Variants in PPP2CB observed in about 807,000 individuals in gnomAD.
PPP2CB encodes the protein protein phosphatase 2 catalytic subunit beta.
A neutral mutation model predicts 39.1 loss-of-function variants in PPP2CB; 18 were observed. The ratio of observed to expected loss-of-function variants is 0.46; its 90% CI spans 0.32 to 0.68. The LOEUF (loss-of-function observed/expected upper bound fraction) is 0.68, where lower values mean the gene tolerates loss of function less well. Ranked by LOEUF, PPP2CB falls within the 30% of genes least tolerant of loss-of-function variation. The pLI is 0.04. For missense variants in PPP2CB, 226 were observed against 396.9 expected (o/e 0.57, Z 3.66); for synonymous variants, 129 against 133.8 (o/e 0.96, Z 0.25).
rs1806848135 is a variant in PPP2CB at position 30,812,252 on chromosome 8, G to C, written c.102+68C>G. The C allele has an allele frequency of 3.2e-6, 4 of 1,250,846 alleles. No individual in the cohort carries two copies. The East Asian group carries it at 1.1e-4, about 33-fold the overall frequency. 77.5% of individuals were successfully genotyped at this position (1,250,846 alleles called of 1,614,324 possible). A position where few individuals can be genotyped will look rare whatever the true frequency, so the allele number is the denominator to read the frequency against. On this transcript the variant is annotated intron_variant, in intron 1 of 6. Transcript: ENST00000221138. The stretch of plus-strand genomic sequence containing the variant: ...GCCGGGCCAGGGGCGGACGGGACCG[G>C]GGCGGGCAGGAAAGCGGCGGCCCGT...
chr8:30,794,061 C>A lies in PPP2CB; in HGVS notation c.594G>T (p.Leu198=), dbSNP rs149865152. 1 of 1,609,448 alleles carries A rather than the reference C, an allele frequency of 6.2e-7. No homozygotes were observed. Among genetic ancestry groups the A allele is most frequent in the Non-Finnish European group, 8.5e-7 (1 of 1,177,520 alleles). ...CACGATCATCTGGATCTGACCATAA[C>A]AGATCACACATTGGGCCCTGGCCAA... ...EVPHEGPMCD[L]LWSDPDDRGG... is the part of the protein sequence containing the mutation. Residue 198 remains leucine, a synonymous_variant, in exon 5 of 7, where the codon CTG becomes CTT. Coordinates refer to ENST00000221138, the MANE Select transcript of PPP2CB (RefSeq NM_001009552.2).
Position 30,799,465 on chromosome 8 carries a change from A to G in PPP2CB, c.312+81T>C, listed in dbSNP as rs567371541. 2.4e-3 allele frequency: 2,819 copies of G among 1,168,854 alleles called. 84 individuals are homozygous for G. In the South Asian group the frequency reaches 0.037, roughly 16 times the overall value. 72.4% of individuals were successfully genotyped at this position (1,168,854 alleles called of 1,614,324 possible). ...GGCTATAAACTGAACAGACCATAAAACAGATGATATGCAATACTGTCATTC... is the reference window on the plus strand; with the variant it reads ...GGCTATAAACTGAACAGACCATAAAGCAGATGATATGCAATACTGTCATTC... On this transcript the variant is annotated intron_variant, in intron 2 of 6. Transcript: ENST00000221138.
In PPP2CB at chr8:30,786,269, T is replaced by C. The variant is rs1400493319; in HGVS notation, c.896A>G (p.His299Arg). 1.3e-6 allele frequency: 2 copies of C among 1,580,438 alleles called. No homozygotes were observed. Among genetic ancestry groups the C allele is most frequent in the Admixed American group, 1.8e-5 (1 of 54,232 alleles). ...FDPAPRRGEP[H>R]VTRRTPDYFL is the part of the protein sequence containing the mutation. ...GTAGTCTGGGGTGCGCCGTGTAACA[T>C]GAGGCTCACCACGACGAGGCGCTGG... Residue 299 changes from histidine (H) to arginine (R), a missense_variant, in exon 7 of 7, where the codon CAT becomes CGT. Physicochemically the swap from His to Arg is conservative, Grantham distance 29 (BLOSUM62 0). Around this residue, in one of 4 missense-constraint regions of PPP2CB, gnomAD observed 56 missense variants for 92.0 expected, o/e 0.61. Transcript: ENST00000221138.
chr8:30,802,852 C>G (rs1460110391), intron 1 of PPP2CB, among the ~76,000 whole-genome samples: 1 of 152,062 alleles, frequency 6.6e-6, no homozygotes. Flanking sequence ...AGAGAGAAGC[C>G]AAACACACAA....
chr8:30,802,118 G>A (rs1740433548), intron 1 of PPP2CB, among the ~76,000 whole-genome samples: 1 of 152,142 alleles, frequency 6.6e-6, no homozygotes, highest in African/African-American at 2.4e-5. Context: ...GGACAATGTA[G>A]CCCATACTTT....
intron 5 of PPP2CB, among the ~76,000 whole-genome samples, chr8:30,792,436 GTCTTTT>G (rs1563214512): frequency 6.6e-6 from 1 of 150,602 alleles, no homozygotes; most frequent in African/African-American, 2.4e-5. Flanking sequence ...AGTTTGTGGT[GTCTTTT>G]TCTTTTTCCT....
chr8:30,796,699 A>G (rs1806532366), intron 3 of PPP2CB, among the ~76,000 whole-genome samples: 4 of 152,124 alleles, frequency 2.6e-5, no homozygotes, highest in African/African-American at 7.2e-5. Context: ...TTTGTTTTAT[A>G]TTTAAATTTA....
chr8:30,791,408 A>C, intron 5 of PPP2CB, 93 bp from the exon 6 acceptor site: 1 of 872,346 alleles, frequency 1.1e-6, no homozygotes. Context: ...AACTACAGGT[A>C]CTCTCTGTGG....
At chr8:30,800,037 C>T (rs1806593943) in intron 1 of PPP2CB, among the ~76,000 whole-genome samples, 1 of 152,178 alleles carries the variant, frequency 6.6e-6, no homozygotes, top group South Asian at 2.1e-4. Flanking sequence ...AAAGTTAAAC[C>T]TAAAATTACC....
chr8:30,809,318 G>A (rs1806784105), intron 1 of PPP2CB, among the ~76,000 whole-genome samples: 1 of 152,276 alleles, frequency 6.6e-6, no homozygotes, highest in South Asian at 2.1e-4. Context: ...CTAGCAAGCT[G>A]TGAAGCAGGA....
intron 1 of PPP2CB, among the ~76,000 whole-genome samples, chr8:30,807,378 T>G (rs1372141889): frequency 1.3e-5 from 2 of 152,232 alleles, no homozygotes; most frequent in East Asian, 3.8e-4. Flanking sequence ...TTAAGATGGT[T>G]TTGGGTATTC....
intron 5 of PPP2CB, among the ~76,000 whole-genome samples, chr8:30,792,801 ATTAT>A (rs1330954764): frequency 1.3e-5 from 2 of 152,078 alleles, no homozygotes; most frequent in Non-Finnish European, 2.9e-5. Context: ...CTAAATTTTG[ATTAT>A]TTATCCAATC....
chr8:30,806,034 A>G (rs1247239598), intron 1 of PPP2CB, among the ~76,000 whole-genome samples: 2 of 151,486 alleles, frequency 1.3e-5, no homozygotes, highest in East Asian at 3.9e-4. Flanking sequence ...ACTCCTTCCC[A>G]GGGTTAATAT....
At position 30,799,558 on chromosome 8, in the gene PPP2CB, A is replaced by C. The variant is rs1806585390; in HGVS notation, c.300T>G (p.Leu100=). The change falls in exon 2 of 7, where the codon CTT becomes CTG. Residue 100 remains leucine, a synonymous_variant. Coordinates refer to ENST00000221138, the MANE Select transcript of PPP2CB (RefSeq NM_001009552.2). ...GYYSVETVTL[L]VALKVRYPER... ...TCAATAATCATACCTTTAATGCTAC[A>C]AGAAGAGTCACAGTCTCCACTGAAT... The C allele has an allele frequency of 6.2e-7, 1 of 1,610,690 alleles. No individual in the cohort carries two copies. The highest frequency in any genetic ancestry group is 8.5e-7 in the Non-Finnish European group (1 of 1,177,930).
rs1806809501 is a variant in PPP2CB, at chr8:30,810,583, A to C, written c.102+1737T>G. 2.0e-5 allele frequency among the ~76,000 whole-genome samples: 3 copies of C among 152,252 alleles called. No individual in the cohort carries two copies. In the South Asian group the frequency reaches 6.2e-4, roughly 31 times the overall value. On this transcript the variant is annotated intron_variant, in intron 1 of 6. Coordinates refer to ENST00000221138, the MANE Select transcript of PPP2CB (RefSeq NM_001009552.2). ...GACTCAGATCATTTCAAACCTGTACATTTCACTTCGCATTAGAGCTGGAGA... is the reference window on the plus strand; with the variant it reads ...GACTCAGATCATTTCAAACCTGTACCTTTCACTTCGCATTAGAGCTGGAGA...
Position 30,799,720 on chromosome 8 carries a change from T to C in PPP2CB, c.138A>G (p.Gln46=), listed in dbSNP as rs370640061. The C allele has an allele frequency of 1.2e-6, 2 of 1,613,522 alleles. No individual in the cohort carries two copies. The highest frequency in any genetic ancestry group is 1.7e-6 in the Non-Finnish European group (2 of 1,179,590). Residue 46 remains glutamine (Q), a synonymous_variant, in exon 2 of 7, where the codon CAA becomes CAG. Coordinates refer to ENST00000221138, the MANE Select transcript of PPP2CB (RefSeq NM_001009552.2). ...AGACAGTAACAGGGCAACGAACCTC[T>C]TGCACATTTGATTCTTTTGTTAAAA... ...KEILTKESNV[Q]EVRCPVTVCG... is the part of the protein sequence containing the mutation.
At position 30,786,489 on chromosome 8, in the gene PPP2CB, A is replaced by T. The variant is rs1376186783; in HGVS notation, c.858-182T>A. 3 of 449,434 alleles carry T rather than the reference A, an allele frequency of 6.7e-6. No homozygotes were observed. The Admixed American group carries it at 1.4e-4, about 21-fold the overall frequency. 27.8% of individuals were successfully genotyped at this position (449,434 alleles called of 1,614,324 possible). On this transcript the variant is annotated intron_variant, in intron 6 of 6. Coordinates refer to ENST00000221138, the MANE Select transcript of PPP2CB (RefSeq NM_001009552.2). ...TGCTCCCATTCCAACTAACTGCTTC[A>T]TAGGGCTATGGTGAAAATTTAAGAA...
At chr8:30,812,291 T>C in intron 1 of PPP2CB, 29 bp downstream of exon 1, 6 of 1,470,402 alleles carry the variant, frequency 4.1e-6, no homozygotes, top group Non-Finnish European at 4.5e-6. Context: ...AGCCCCGCGC[T>C]CCCGCACTCG....
intron 1 of PPP2CB, among the ~76,000 whole-genome samples, chr8:30,800,821 A>C (rs1403661695): frequency 6.6e-6 from 1 of 152,234 alleles, no homozygotes; most frequent in Non-Finnish European, 1.5e-5. Flanking sequence ...GAGAAATTAG[A>C]AACAGAAAAC....
Sources: allele counts gnomAD v4.1 joint callset (sites outside exome capture counted in the v4.1 genomes callset), GRCh38; gene constraint gnomAD v4.1.1; regional missense constraint gnomAD v4.1.1; transcripts MANE v1.5; gene names NCBI Gene and HGNC (gene_info 2026-07-23, HGNC 2026-07-21).